JADE1: variants seen among roughly 807,000 people sequenced by gnomAD.
JADE1 encodes the protein protein Jade-1.
A neutral mutation model predicts 81.8 loss-of-function variants in JADE1; 14 were observed. The ratio of observed to expected loss-of-function variants is 0.17; its 90% CI spans 0.11 to 0.27. The LOEUF (loss-of-function observed/expected upper bound fraction) is 0.27, where lower values mean the gene tolerates loss of function less well. Among genes scored for constraint, JADE1 ranks in the 10% least tolerant of loss-of-function variants. The probability of loss-of-function intolerance (pLI) is 1.00; values close to 1 mark genes in which losing one functional copy is unlikely to be tolerated. For synonymous variants in JADE1, 353 were observed against 391.9 expected, an observed-to-expected ratio of 0.90 and a Z score of 1.17; for missense variants, 690 against 1,047.9, an observed-to-expected ratio of 0.66 and a Z score of 4.71.
intron 1 of JADE1, among the ~76,000 whole-genome samples, chr4:128,823,179 T>G (rs1727734931): frequency 6.6e-6 from 1 of 152,200 alleles, no homozygotes; most frequent in Admixed American, 6.5e-5. Flanking sequence ...ATAGCTGCTC[T>G]TATTCAGTTG....
intron 1 of JADE1, among the ~76,000 whole-genome samples, chr4:128,824,610 A>G (rs1727881294): frequency 1.3e-5 from 2 of 152,224 alleles, no homozygotes; most frequent in Admixed American, 6.5e-5. Flanking sequence ...TCAATTAGAT[A>G]TTAAAGTAAA....
At chr4:128,866,884 G>T (rs893569150) in intron 9 of JADE1, among the ~76,000 whole-genome samples, 1 of 152,224 alleles carries the variant, frequency 6.6e-6, no homozygotes, top group Admixed American at 6.5e-5. Context: ...ATCTGTGTTT[G>T]CAGGTCCGTG....
intron 1 of JADE1, among the ~76,000 whole-genome samples, chr4:128,825,139 A>T (rs2125812504): frequency 6.6e-6 from 1 of 152,264 alleles, no homozygotes; most frequent in South Asian, 2.1e-4. Context: ...TCCCGGGTTC[A>T]AGCGATTCTC....
At chr4:128,837,578 C>G (rs868699031) in intron 2 of JADE1, among the ~76,000 whole-genome samples, 2 of 152,270 alleles carry the variant, frequency 1.3e-5, no homozygotes, top group Middle Eastern at 3.4e-3. Context: ...AACAAATAAA[C>G]AGTAACTAGA....
At chr4:128,829,494 C>G (rs1728348468) in intron 1 of JADE1, among the ~76,000 whole-genome samples, 1 of 152,060 alleles carries the variant, frequency 6.6e-6, no homozygotes, top group African/African-American at 2.4e-5. Flanking sequence ...GATTAGGGAC[C>G]TAAATATTTG....
chr4:128,864,264 C>T (rs945248476), intron 9 of JADE1: 16 of 492,316 alleles, frequency 3.2e-5, no homozygotes, highest in East Asian at 1.5e-4. Context: ...TCTCCTGCCT[C>T]GGTCTCATGA....
At chr4:128,870,918 C>T (rs574834518) in intron 10 of JADE1, among the ~76,000 whole-genome samples, 1 of 152,270 alleles carries the variant, frequency 6.6e-6, no homozygotes, top group East Asian at 1.9e-4. Flanking sequence ...AAGCCCCGAG[C>T]CCTGCTTTTT....
chr4:128,868,770 A>T (rs1731971559), intron 10 of JADE1, among the ~76,000 whole-genome samples: 1 of 152,208 alleles, frequency 6.6e-6, no homozygotes, highest in South Asian at 2.1e-4. Flanking sequence ...TAAGGATTTC[A>T]GAGAAGCAGA....
Position 128,861,850 on chromosome 4 carries a change from G to C in JADE1, c.1128G>C (p.Glu376Asp). 6.2e-7 allele frequency: 1 copy of C among 1,614,216 alleles called. No homozygotes were observed. The highest frequency in any genetic ancestry group is 8.5e-7 in the Non-Finnish European group (1 of 1,180,038). Residue 376 changes from glutamate (E) to aspartate (D), a missense_variant, in exon 9 of 11, where the codon GAG becomes GAC. Physicochemically the swap from Glu to Asp is conservative, Grantham distance 45. This residue lies in a region of JADE1 where 77 missense variants were observed against 76.4 expected (regional missense o/e 1.01). Transcript: ENST00000226319. ...PKHSSHRKPEESLGKGAAQEN... is the reference protein window; with the variant it reads ...PKHSSHRKPEDSLGKGAAQEN... ...ACAGCTCACATAGGAAACCCGAGGA[G>C]AGTCTTGGCAAGGGGGCTGCACAGG...
intron 2 of JADE1, among the ~76,000 whole-genome samples, chr4:128,837,100 T>C (rs543037080): frequency 6.6e-6 from 1 of 152,238 alleles, no homozygotes; most frequent in South Asian, 2.1e-4. Context: ...ATTTCAGAGA[T>C]TTGTTGACTT....
intron 9 of JADE1, chr4:128,864,481 C>T (rs543567474): frequency 2.4e-5 from 24 of 985,256 alleles, no homozygotes; most frequent in East Asian, 2.3e-4. Flanking sequence ...AAAAAAAATA[C>T]GCTACCCAAA....
At chr4:128,838,580 G>A (rs17013778) in intron 2 of JADE1, among the ~76,000 whole-genome samples, 72,092 of 152,066 alleles carry the variant, frequency 0.47, 20,448 homozygotes, top group South Asian at 0.63. Context: ...ACAATAGCAA[G>A]CACACTGTTT....
chr4:128,861,548 G>A (rs1466946479), intron 8 of JADE1, among the ~76,000 whole-genome samples, 156 bp from the exon 9 acceptor site: 2 of 152,218 alleles, frequency 1.3e-5, no homozygotes, highest in Non-Finnish European at 2.9e-5. Flanking sequence ...ACAGGATCTT[G>A]CAGGGTTAAT....
intron 3 of JADE1, among the ~76,000 whole-genome samples, chr4:128,845,705 C>T (rs781752365): frequency 6.6e-6 from 1 of 151,992 alleles, no homozygotes; most frequent in Non-Finnish European, 1.5e-5. Context: ...ATTTGAGGTC[C>T]TGACCTCAAT....
intron 8 of JADE1, among the ~76,000 whole-genome samples, chr4:128,859,902 CCT>C (rs746999617): frequency 2.0e-5 from 3 of 152,138 alleles, no homozygotes; most frequent in Non-Finnish European, 4.4e-5. Context: ...TAAAAGAATT[CCT>C]CTCTGAAATG....
chr4:128,819,435 A>G (rs17346077), intron 1 of JADE1, among the ~76,000 whole-genome samples: 7,930 of 152,258 alleles, frequency 0.052, 296 homozygotes, highest in Non-Finnish European at 0.083. Flanking sequence ...TAAAATGTGT[A>G]AGAACAAATA....
At chr4:128,834,647 G>T (rs1728832304) in intron 2 of JADE1, among the ~76,000 whole-genome samples, 1 of 147,496 alleles carries the variant, frequency 6.8e-6, no homozygotes, top group Non-Finnish European at 1.5e-5. Flanking sequence ...CCATTCTGCT[G>T]CCTCAGCCTC....
chr4:128,829,740 A>G (rs1308326666), intron 1 of JADE1, among the ~76,000 whole-genome samples: 1 of 152,254 alleles, frequency 6.6e-6, no homozygotes, highest in African/African-American at 2.4e-5. Flanking sequence ...CAATTTTAAC[A>G]GAGGGTGATA....
At chr4:128,842,139 C>T (rs1046926135) in intron 2 of JADE1, among the ~76,000 whole-genome samples, 1 of 152,138 alleles carries the variant, frequency 6.6e-6, no homozygotes, top group African/African-American at 2.4e-5. Flanking sequence ...CCCGTCCTCT[C>T]TTCTTATGGC....
Sources: allele counts gnomAD v4.1 joint callset (sites outside exome capture counted in the v4.1 genomes callset), GRCh38; gene constraint gnomAD v4.1.1; regional missense constraint gnomAD v4.1.1; transcripts MANE v1.5; gene names NCBI Gene and HGNC (gene_info 2026-07-23, HGNC 2026-07-21).